GREB1L: variants seen among roughly 807,000 people sequenced by gnomAD.
GREB1L encodes GREB1-like protein.
A neutral mutation model predicts 200.8 loss-of-function variants in GREB1L; 17 were observed. That is an observed-to-expected ratio of 0.08 (90% CI 0.06 to 0.13). GREB1L has a LOEUF of 0.13. Ranked by LOEUF, GREB1L falls within the 10% of genes least tolerant of loss-of-function variation. The probability of loss-of-function intolerance (pLI) is 1.00; values close to 1 mark genes in which losing one functional copy is unlikely to be tolerated. For synonymous variants in GREB1L, 789 were observed against 893.0 expected, an observed-to-expected ratio of 0.88 and a Z score of 2.08; for missense variants, 1,657 against 2,367.7, an observed-to-expected ratio of 0.70 and a Z score of 6.23.
chr18:21,393,639 C>T (rs1398918453), intron 4 of GREB1L, among the ~76,000 whole-genome samples: 1 of 152,162 alleles, frequency 6.6e-6, no homozygotes, highest in Admixed American at 6.5e-5. Context: ...CCATGTTAGC[C>T]AAGATGGTCT....
chr18:21,332,515 C>T (rs1416097881), intron 1 of GREB1L, among the ~76,000 whole-genome samples: 2 of 152,010 alleles, frequency 1.3e-5, no homozygotes, highest in East Asian at 1.9e-4. Flanking sequence ...GGCTCTGTTG[C>T]CCAGGCTATA....
chr18:21,379,849 T>C (rs1334029654), intron 2 of GREB1L, among the ~76,000 whole-genome samples: 1 of 152,176 alleles, frequency 6.6e-6, no homozygotes, highest in Non-Finnish European at 1.5e-5. Flanking sequence ...AATGTTTGTA[T>C]TGTACTGGTG....
intron 25 of GREB1L, among the ~76,000 whole-genome samples, chr18:21,507,373 A>T (rs926593964): frequency 2.6e-5 from 4 of 152,204 alleles, no homozygotes; most frequent in African/African-American, 9.6e-5. Flanking sequence ...TTTTCTATGA[A>T]ATATAGTATT....
chr18:21,505,352 C>A, intron 23 of GREB1L, 60 bp from the exon 24 acceptor site: 1 of 1,478,380 alleles, frequency 6.8e-7, no homozygotes, highest in Non-Finnish European at 9.1e-7. Flanking sequence ...GCCATTCTCT[C>A]TGACACATGG....
At chr18:21,442,099 T>G (rs2033932897) in intron 10 of GREB1L, among the ~76,000 whole-genome samples, 1 of 152,208 alleles carries the variant, frequency 6.6e-6, no homozygotes, top group African/African-American at 2.4e-5. Context: ...GGTCTGAACC[T>G]TAGCATCTTT....
rs777414863 is a variant in GREB1L at position 21,516,565 on chromosome 18, G to C, written c.5130-48G>C. 9.2e-6 allele frequency: 14 copies of C among 1,519,914 alleles called. No homozygotes were observed. The Admixed American group carries it at 1.2e-4, about 13-fold the overall frequency. 94.2% of individuals were successfully genotyped at this position (1,519,914 alleles called of 1,614,324 possible). A position where few individuals can be genotyped will look rare whatever the true frequency, so the allele number is the denominator to read the frequency against. ...TATTTCTCTGTGTATAGTTATCATG[G>C]TTGAGATATGCCAGCGGAAGAAAAC... On this transcript the variant is annotated intron_variant, in intron 29 of 32. Transcript: ENST00000424526.
chr18:21,382,276 G>A (rs538574278), intron 2 of GREB1L, among the ~76,000 whole-genome samples: 1 of 151,968 alleles, frequency 6.6e-6, no homozygotes, highest in East Asian at 2.0e-4. Flanking sequence ...GGGAGGCGGA[G>A]GTTGCACTGA....
chr18:21,453,163 C>T (rs1427859472), intron 14 of GREB1L, among the ~76,000 whole-genome samples: 1 of 152,162 alleles, frequency 6.6e-6, no homozygotes, highest in Admixed American at 6.5e-5. Context: ...TGTTTAAAAA[C>T]CTTGTTTAAA....
intron 1 of GREB1L, among the ~76,000 whole-genome samples, chr18:21,278,506 C>T (rs1009691342): frequency 6.6e-6 from 1 of 151,974 alleles, no homozygotes; most frequent in African/African-American, 2.4e-5. Flanking sequence ...ACATTTAGCA[C>T]ACTTTTGCTT....
At chr18:21,469,018 A>G (rs970757964) in intron 15 of GREB1L, 3 of 251,664 alleles carry the variant, frequency 1.2e-5, no homozygotes, top group Non-Finnish European at 2.4e-5. Flanking sequence ...TATGTCTGCC[A>G]AGTTTCTGCA....
chr18:21,389,333 GT>G (rs78492131), intron 4 of GREB1L, among the ~76,000 whole-genome samples: 2,426 of 95,604 alleles, frequency 0.025, 37 homozygotes, highest in African/African-American at 0.045. Context: ...TATGGGGTGG[GT>G]TTTTTTTTTT....
intron 1 of GREB1L, among the ~76,000 whole-genome samples, chr18:21,304,040 A>C (rs527309053): frequency 5.3e-5 from 8 of 152,264 alleles, no homozygotes; most frequent in African/African-American, 1.9e-4. Context: ...TTGCCCCCCC[A>C]TAGAATTTAC....
intron 1 of GREB1L, among the ~76,000 whole-genome samples, chr18:21,270,585 G>C (rs2038062828): frequency 6.6e-6 from 1 of 152,190 alleles, no homozygotes; most frequent in South Asian, 2.1e-4. Context: ...CTCTCATCCC[G>C]CCCTTGACTC....
intron 1 of GREB1L, among the ~76,000 whole-genome samples, chr18:21,360,472 C>G (rs993073876): frequency 2.0e-5 from 3 of 152,184 alleles, no homozygotes; most frequent in Non-Finnish European, 4.4e-5. Context: ...GTGATCCACT[C>G]GCCTCGGCCT....
chr18:21,268,531 A>AAC (rs2038014513), intron 1 of GREB1L, among the ~76,000 whole-genome samples: 1 of 82,770 alleles, frequency 1.2e-5, no homozygotes, highest in South Asian at 4.2e-4. Flanking sequence ...ATACACACAC[A>AAC]CACACACACA....
At chr18:21,374,977 A>G (rs922073348) in intron 2 of GREB1L, among the ~76,000 whole-genome samples, 2 of 151,226 alleles carry the variant, frequency 1.3e-5, no homozygotes, top group Non-Finnish European at 2.9e-5. Context: ...TCAGCCTCCC[A>G]AGTAGCTGAG....
intron 6 of GREB1L, 114 bp from the exon 7 acceptor site, chr18:21,403,758 G>C: frequency 1.3e-6 from 1 of 789,976 alleles, no homozygotes; most frequent in Non-Finnish European, 2.0e-6. Flanking sequence ...AATTAAAGTG[G>C]CTGCCGCTTA....
At chr18:21,395,628 C>T in intron 5 of GREB1L, 67 bp downstream of exon 5, 2 of 1,170,870 alleles carry the variant, frequency 1.7e-6, no homozygotes, top group Non-Finnish European at 2.4e-6. Context: ...TTATTTAAAA[C>T]TACTGCAGAA....
At chr18:21,499,611 G>A in intron 21 of GREB1L, 118 bp from the exon 22 acceptor site, 1 of 675,020 alleles carries the variant, frequency 1.5e-6, no homozygotes, top group Non-Finnish European at 2.5e-6. Context: ...TTCTTGCTCA[G>A]GGTCTGCAGC....
Sources: gnomAD v4.1 joint callset for allele counts (sites outside exome capture counted in the v4.1 genomes callset) on GRCh38, gnomAD v4.1.1 for gene constraint, MANE v1.5 for transcripts, NCBI Gene and HGNC (gene_info 2026-07-23, HGNC 2026-07-21) for gene names.